The following NCOR1 variants were observed in gnomAD, a reference collection of about 807,000 sequenced individuals.
The protein encoded by NCOR1 is protein phosphatase 1, regulatory subunit 109.
Under a neutral mutation model 288.1 loss-of-function variants are expected in NCOR1, and 63 were observed. That is an observed-to-expected ratio of 0.22 (90% CI 0.18 to 0.27). NCOR1 has a LOEUF of 0.27. Ranked by LOEUF, NCOR1 falls within the 10% of genes least tolerant of loss-of-function variation. The probability of loss-of-function intolerance (pLI) is 1.00; values close to 1 mark genes in which losing one functional copy is unlikely to be tolerated. For synonymous variants in NCOR1, 1,007 were observed against 1,065.9 expected (o/e 0.94, Z 1.08); for missense variants, 2,397 against 3,019.2 (o/e 0.79, Z 4.83).
intron 23 of NCOR1, among the ~76,000 whole-genome samples, chr17:16,081,829 T>C (rs769316574): frequency 1.1e-4 from 16 of 152,208 alleles, no homozygotes; most frequent in Non-Finnish European, 2.4e-4. Flanking sequence ...TCATGGGGTC[T>C]GAAAAACTCC....
rs762269869 is a variant in NCOR1, at chr17:16,029,407, A to G, written c.*2889T>C. On this transcript the variant is annotated 3_prime_UTR_variant, in exon 46 of 46. Transcript: ENST00000268712. ...GTCATTAAAATTTTTTAACTGTCCA[A>G]TGGTCACTGGAGTTTTCTGGGCATA... 14 of 325,086 alleles carry G rather than the reference A, an allele frequency of 4.3e-5. No homozygotes were observed. The highest frequency in any genetic ancestry group is 1.8e-4 in the South Asian group (7 of 38,444). The allele number at this position is 325,086 out of a possible 1,614,324, so 20.1% of individuals were successfully genotyped here.
intron 19 of NCOR1, among the ~76,000 whole-genome samples, chr17:16,102,591 A>G (rs1413101466): frequency 1.3e-5 from 2 of 148,256 alleles, no homozygotes; most frequent in Non-Finnish European, 3.0e-5. Context: ...CATTTTCTGC[A>G]TATCTAATTT....
At chr17:16,096,367 C>T (rs540256050) in intron 21 of NCOR1, among the ~76,000 whole-genome samples, 16 of 151,864 alleles carry the variant, frequency 1.1e-4, no homozygotes, top group South Asian at 2.1e-4. Context: ...AAAAATGAGT[C>T]AAATTTTACA....
chr17:16,137,176 A>G (rs567854878), intron 14 of NCOR1, 135 bp downstream of exon 14: 3 of 504,858 alleles, frequency 5.9e-6, no homozygotes, highest in Non-Finnish European at 1.0e-5. Flanking sequence ...CAAAATAATT[A>G]TAACATCCTC....
At chr17:16,163,606 A>G (rs1199353817) in intron 5 of NCOR1, among the ~76,000 whole-genome samples, 1 of 152,220 alleles carries the variant, frequency 6.6e-6, no homozygotes, top group Admixed American at 6.5e-5. Context: ...AACAGTTTTG[A>G]AGTTTTTCAA....
At chr17:16,033,135 C>T (rs1972627013) in intron 45 of NCOR1, among the ~76,000 whole-genome samples, 1 of 152,052 alleles carries the variant, frequency 6.6e-6, no homozygotes, top group Non-Finnish European at 1.5e-5. Context: ...CACCTGAGGT[C>T]GGGAGTTCAA....
intron 19 of NCOR1, 91 bp downstream of exon 19, chr17:16,108,695 C>G (rs2069325715): frequency 1.7e-5 from 19 of 1,111,916 alleles, no homozygotes; most frequent in Non-Finnish European, 2.4e-5. Flanking sequence ...ACACTGTTTC[C>G]TCAATGAAGC....
chr17:16,115,175 T>C (rs1332423595), intron 18 of NCOR1, among the ~76,000 whole-genome samples: 2 of 152,160 alleles, frequency 1.3e-5, no homozygotes, highest in African/African-American at 2.4e-5. Flanking sequence ...TTGGCCCCTT[T>C]CAGCCATGGC....
intron 4 of NCOR1, among the ~76,000 whole-genome samples, chr17:16,167,287 C>T (rs998578941): frequency 6.6e-6 from 1 of 151,892 alleles, no homozygotes; most frequent in African/African-American, 2.4e-5. Flanking sequence ...TCAAAACAGA[C>T]AAGATATCTG....
At chr17:16,060,349 A>T (rs890982581) in intron 37 of NCOR1, among the ~76,000 whole-genome samples, 2 of 152,258 alleles carry the variant, frequency 1.3e-5, no homozygotes, top group Non-Finnish European at 2.9e-5. Flanking sequence ...TAATCCAATG[A>T]TTAAGGAACC....
chr17:16,169,707 C>T (rs1369010733), intron 4 of NCOR1, among the ~76,000 whole-genome samples: 1 of 152,202 alleles, frequency 6.6e-6, no homozygotes, highest in Non-Finnish European at 1.5e-5. Context: ...GGTCACACTA[C>T]AACACAACAC....
chr17:16,094,115 C>G (rs2065903058), intron 21 of NCOR1, among the ~76,000 whole-genome samples: 1 of 151,922 alleles, frequency 6.6e-6, no homozygotes. Context: ...GTTGCCCAAG[C>G]TGGTCTTGGA....
At chr17:16,214,912 G>A (rs151334552) in intron 1 of NCOR1, among the ~76,000 whole-genome samples, 7 of 152,166 alleles carry the variant, frequency 4.6e-5, no homozygotes, top group South Asian at 2.1e-4. Context: ...TACTCTGCAC[G>A]CACTTGTCCA....
At chr17:16,065,341 GC>G in intron 33 of NCOR1, 143 bp downstream of exon 33, 1 of 947,908 alleles carries the variant, frequency 1.1e-6, no homozygotes, top group Non-Finnish European at 1.6e-6. Flanking sequence ...ATGTCTCTGG[GC>G]TAAAAAGTCT....
intron 37 of NCOR1, among the ~76,000 whole-genome samples, chr17:16,059,720 C>T (rs777258627): frequency 8.5e-5 from 13 of 152,116 alleles, no homozygotes; most frequent in Non-Finnish European, 1.3e-4. Context: ...TGTCAGAGCT[C>T]CAAAGGGTGC....
intron 1 of NCOR1, among the ~76,000 whole-genome samples, chr17:16,206,145 T>A (rs1366326118): frequency 6.6e-6 from 1 of 151,814 alleles, no homozygotes; most frequent in African/African-American, 2.4e-5. Context: ...GGTACAACAA[T>A]CTTTTGGAAG....
chr17:16,074,675 G>A (rs967833654), intron 27 of NCOR1, among the ~76,000 whole-genome samples: 10 of 150,410 alleles, frequency 6.6e-5, no homozygotes, highest in Non-Finnish European at 1.3e-4. Context: ...AGAGTCAGGT[G>A]CAAATAAGAA....
intron 4 of NCOR1, among the ~76,000 whole-genome samples, chr17:16,167,238 C>T (rs1469882727): frequency 6.6e-6 from 1 of 151,966 alleles, no homozygotes; most frequent in Non-Finnish European, 1.5e-5. Flanking sequence ...TAACAAGAAA[C>T]CACATCCTCA....
intron 3 of NCOR1, among the ~76,000 whole-genome samples, chr17:16,184,025 A>G (rs562518228): frequency 1.6e-4 from 24 of 152,226 alleles, no homozygotes; most frequent in Admixed American, 2.0e-4. Flanking sequence ...CTAGATATCC[A>G]GATGCAAAGG....
Sources: gnomAD v4.1 joint callset for allele counts (sites outside exome capture counted in the v4.1 genomes callset) on GRCh38, gnomAD v4.1.1 for gene constraint, MANE v1.5 for transcripts, NCBI Gene and HGNC (gene_info 2026-07-23, HGNC 2026-07-21) for gene names.